The following CEP135 variants were observed in gnomAD, a reference collection of about 807,000 sequenced individuals.
The protein encoded by CEP135 is centrosomal protein of 135 kDa.
A neutral mutation model predicts 157.3 loss-of-function variants in CEP135; 142 were observed. The observed-to-expected ratio is 0.90, with a 90% CI of 0.79 to 1.04. The LOEUF (loss-of-function observed/expected upper bound fraction) is 1.04, where lower values mean the gene tolerates loss of function less well. Ranked by LOEUF, CEP135 falls within the 50% of genes least tolerant of loss-of-function variation. The probability of loss-of-function intolerance (pLI) is 0.00; values close to 1 mark genes in which losing one functional copy is unlikely to be tolerated. For synonymous variants in CEP135, 396 were observed against 439.8 expected (o/e 0.90, Z 1.25); for missense variants, 1,317 against 1,309.2 (o/e 1.01, Z -0.09).
intron 21 of CEP135, among the ~76,000 whole-genome samples, chr4:56,017,105 A>G (rs1001032143): frequency 1.3e-5 from 2 of 151,858 alleles, no homozygotes; most frequent in Non-Finnish European, 2.9e-5. Context: ...ATTCTTCTAG[A>G]AAAAAAAATT....
intron 10 of CEP135, among the ~76,000 whole-genome samples, chr4:55,972,332 A>C (rs1299293341): frequency 6.6e-6 from 1 of 152,180 alleles, no homozygotes; most frequent in Non-Finnish European, 1.5e-5. Context: ...TGGCACATAA[A>C]TTAAGAAGTT....
In CEP135 at chr4:55,985,342, C is replaced by T. The variant is rs1553891322; in HGVS notation, c.1841C>T (p.Thr614Ile). ...SELEKTIEHL[T>I]CVNHQLESEK... ...TTAGAGAAAACTATTGAACATTTGA[C>T]ATGTGTTAATCATCAGGTAATGTAT... is the stretch of plus-strand genomic sequence containing the variant. Residue 614 changes from threonine (T) to isoleucine (I), a missense_variant, in exon 14 of 26, where the codon ACA (threonine) becomes ATA (isoleucine). By Grantham distance (89) the Thr-to-Ile change is moderately conservative (BLOSUM62 -1). Transcript: ENST00000257287. 6.3e-7 allele frequency: 1 copy of T among 1,588,788 alleles called. No individual in the cohort carries two copies. Among genetic ancestry groups the T allele is most frequent in the East Asian group, 2.2e-5 (1 of 44,520 alleles).
chr4:55,965,463 T>G (rs1728812055), intron 7 of CEP135, 181 bp from the exon 8 acceptor site: 1 of 507,084 alleles, frequency 2.0e-6, no homozygotes. Context: ...GGATATGTAC[T>G]TTCATTACAC....
intron 21 of CEP135, among the ~76,000 whole-genome samples, chr4:56,014,866 C>G (rs1408108096): frequency 6.6e-6 from 1 of 152,040 alleles, no homozygotes; most frequent in Non-Finnish European, 1.5e-5. Context: ...CAAGACCAGC[C>G]TGGACAACAT....
rs543580019 is a variant in CEP135 at position 56,025,384 on chromosome 4, G to A, written c.*11+770G>A. 4.6e-5 allele frequency among the ~76,000 whole-genome samples: 7 copies of A among 152,216 alleles called. No homozygotes were observed. The South Asian group carries it at 1.5e-3, about 32-fold the overall frequency. On this transcript the variant is annotated intron_variant, in intron 25 of 25. Coordinates refer to ENST00000257287, the MANE Select transcript of CEP135 (RefSeq NM_025009.5). ...ATTATTTGATGAAGGGCTAAATTCA[G>A]GCTACAAATAATAGGTAGTAAAAAT...
chr4:56,019,381 CA>C lies in CEP135; in HGVS notation c.3042del (p.Glu1015SerfsTer5), dbSNP rs1560425213. 1.2e-6 allele frequency: 2 copies of C among 1,612,598 alleles called. No homozygotes were observed. The highest frequency in any genetic ancestry group is 3.3e-5 in the Admixed American group (2 of 59,834). ...RVVVELENVKSESDLLKKQLS... is the reference protein window; with the variant it reads ...RVVVELENVKXESDLLKKQLS... ...GTGGTGGAATTAGAAAATGTAAAGT[CA>C]GAGTCAGACCTACTGAAAAAACAAC... On this transcript the variant is annotated frameshift_variant, in exon 23 of 26. Coordinates refer to ENST00000257287, the MANE Select transcript of CEP135 (RefSeq NM_025009.5). LOFTEE classifies it high-confidence loss of function.
In CEP135 at chr4:55,948,995, GT is replaced by G. The variant is rs1728250194; in HGVS notation, c.-109del. ...GCCCGTGCCTGGACGGAAGGAGCTA[GT>G]GGGGGACTCGAGGCCTGAGGGCAAT... On this transcript the variant is annotated 5_prime_UTR_variant, in exon 1 of 26. Coordinates refer to ENST00000257287, the MANE Select transcript of CEP135 (RefSeq NM_025009.5). 6.5e-6 allele frequency: 1 copy of G among 152,834 alleles called. No homozygotes were observed. The allele number at this position is 152,834 out of a possible 1,614,324, so 9.5% of individuals were successfully genotyped here.
At chr4:55,989,027 A>G (rs1040425955) in intron 14 of CEP135, among the ~76,000 whole-genome samples, 1 of 152,006 alleles carries the variant, frequency 6.6e-6, no homozygotes, top group East Asian at 1.9e-4. Context: ...AACCCAGTAG[A>G]GAGCAAACCC....
In CEP135 at chr4:56,019,405, A is replaced by G. The variant is rs1466710297; in HGVS notation, c.3065A>G (p.Gln1022Arg). The change falls in exon 23 of 26, where the codon CAA becomes CGA. Residue 1022 changes from glutamine (Q) to arginine (R), a missense_variant. By Grantham distance (43) the Gln-to-Arg change is conservative (BLOSUM62 1). Coordinates refer to ENST00000257287, the MANE Select transcript of CEP135 (RefSeq NM_025009.5). ...VKSESDLLKK[Q>R]LSNERHTVKN... ...TCAGAGTCAGACCTACTGAAAAAAC[A>G]ACTTTCAAATGAGAGACATACAGTT... is the stretch of plus-strand genomic sequence containing the variant. The G allele has an allele frequency of 3.7e-6, 6 of 1,613,946 alleles. No homozygotes were observed. Among genetic ancestry groups the G allele is most frequent in the Non-Finnish European group, 5.1e-6 (6 of 1,179,944 alleles).
chr4:56,009,710 T>G, intron 18 of CEP135, 25 bp from the exon 19 acceptor site: 1 of 1,576,490 alleles, frequency 6.3e-7, no homozygotes, highest in Non-Finnish European at 8.6e-7. Flanking sequence ...TTTTCTTTAT[T>G]AGTTTCACAT....
chr4:55,965,747 A>G lies in CEP135; in HGVS notation c.932A>G (p.Lys311Arg), dbSNP rs763267327. 2 of 1,613,938 alleles carry G rather than the reference A, an allele frequency of 1.2e-6. No homozygotes were observed. The highest frequency in any genetic ancestry group is 1.7e-5 in the Admixed American group (1 of 60,028). Residue 311 changes from lysine to arginine, a missense_variant, in exon 8 of 26, where the codon AAA becomes AGA. Lys to Arg is a conservative substitution (Grantham distance 26). Coordinates refer to ENST00000257287, the MANE Select transcript of CEP135 (RefSeq NM_025009.5). ...VTSEVVNLSN[K>R]NEKLCQELTE... ...TCTGAAGTCGTTAATTTAAGTAACA[A>G]AAATGAAAAACTCTGCCAAGAATTA...
At chr4:55,976,235 CA>C (rs749867669) in intron 11 of CEP135, among the ~76,000 whole-genome samples, 12,656 of 79,414 alleles carry the variant, frequency 0.16, 924 homozygotes, top group African/African-American at 0.31. Context: ...GCCTGGGTGA[CA>C]AAAAAAAAAA....
chr4:55,973,767 G>A (rs1025215025), intron 10 of CEP135, among the ~76,000 whole-genome samples: 8 of 152,008 alleles, frequency 5.3e-5, no homozygotes, highest in African/African-American at 1.9e-4. Context: ...TTGCTGTTCT[G>A]CTTGATCACC....
intron 11 of CEP135, among the ~76,000 whole-genome samples, chr4:55,976,053 C>G (rs1026706401): frequency 6.6e-6 from 1 of 151,832 alleles, no homozygotes; most frequent in Admixed American, 6.6e-5. Context: ...AGTTCGAGAC[C>G]AGTCTGGTCA....
chr4:55,973,204 A>G (rs1163191719), intron 10 of CEP135, among the ~76,000 whole-genome samples: 15 of 152,158 alleles, frequency 9.9e-5, no homozygotes, highest in Admixed American at 9.8e-4. Flanking sequence ...ATACATGGTC[A>G]GCTGTTTGAG....
intron 6 of CEP135, chr4:55,960,025 G>A (rs886470976): frequency 3.2e-5 from 18 of 561,464 alleles, no homozygotes; most frequent in Non-Finnish European, 5.6e-5. Context: ...GGCTGAGGTG[G>A]GAGGATTAAT....
At chr4:56,009,091 A>G (rs13150478) in intron 18 of CEP135, among the ~76,000 whole-genome samples, 84,751 of 152,006 alleles carry the variant, frequency 0.56, 24,102 homozygotes, top group African/African-American at 0.67. Context: ...TTGTAGAAAC[A>G]ACGTCTCCCT....
intron 15 of CEP135, among the ~76,000 whole-genome samples, chr4:55,994,174 T>A (rs1020738209): frequency 2.6e-5 from 4 of 152,190 alleles, no homozygotes; most frequent in Admixed American, 2.6e-4. Flanking sequence ...TTTGCCACTT[T>A]CAGTATGATT....
At position 55,957,294 on chromosome 4, in the gene CEP135, G is replaced by T; in HGVS notation, c.544G>T (p.Val182Phe). 3 of 1,614,098 alleles carry T rather than the reference G, an allele frequency of 1.9e-6. No individual in the cohort carries two copies. Among genetic ancestry groups the T allele is most frequent in the Admixed American group, 3.3e-5 (2 of 60,022 alleles). The change falls in exon 5 of 26, where the codon GTC becomes TTC. Residue 182 changes from valine (V) to phenylalanine (F), a missense_variant. By Grantham distance (50) the Val-to-Phe change is conservative. Transcript: ENST00000257287. ...TGATGAACCGGTTCCTCCCTCTGAA[G>T]TCAGTTCATATCCAGTTCCTCAACC... The part of the protein sequence containing the change: ...QIDEPVPPSE[V>F]SSYPVPQPDD...
Sources: allele counts gnomAD v4.1 joint callset (sites outside exome capture counted in the v4.1 genomes callset), GRCh38; gene constraint gnomAD v4.1.1; transcripts MANE v1.5; gene names NCBI Gene and HGNC (gene_info 2026-07-23, HGNC 2026-07-21).